The following RASSF3 variants were observed in gnomAD, a reference collection of about 807,000 sequenced individuals.
RASSF3 encodes the protein Ras association domain family member 3, also known as ras association domain-containing protein 3.
RASSF3 carries 19 observed loss-of-function variants against 19.9 expected under a neutral mutation model. The observed-to-expected ratio is 0.96, with a 90% CI of 0.67 to 1.40. RASSF3 has a LOEUF of 1.40. Ranked by LOEUF, RASSF3 falls within the 40% of genes most tolerant of loss-of-function variation. The pLI, the probability that RASSF3 is intolerant of heterozygous loss-of-function variation, is 0.00. For missense variants in RASSF3, 306 were observed against 289.8 expected, an observed-to-expected ratio of 1.06 and a Z score of -0.41; for synonymous variants, 110 against 104.2, an observed-to-expected ratio of 1.06 and a Z score of -0.34.
At chr12:64,581,110 T>TA (rs749206943) in intron 2 of RASSF3, among the ~76,000 whole-genome samples, 8,617 of 143,594 alleles carry the variant, frequency 0.06, 782 homozygotes, top group African/African-American at 0.2. Flanking sequence ...ATTACTGTGG[T>TA]AAAAAAAAAA....
In RASSF3 at chr12:64,639,940, C is replaced by T. The variant is rs146723406; in HGVS notation, c.111+29197C>T. Among the ~76,000 whole-genome samples, 412 of 152,274 alleles carry T rather than the reference C, an allele frequency of 2.7e-3. 1 individual carries two copies. Among genetic ancestry groups the T allele is most frequent in the Non-Finnish European group, 4.4e-3 (297 of 68,026 alleles). On this transcript the variant is annotated intron_variant, in intron 1 of 4. Coordinates refer to ENST00000542104, the MANE Select transcript of RASSF3 (RefSeq NM_178169.4). The stretch of plus-strand genomic sequence containing the variant: ...GCAGAGATCTTTTGAGGAAATGCAA[C>T]GTGAAAGATCTCCTTGACATTCTAT...
At chr12:64,645,945 T>G (rs1375382979) in intron 1 of RASSF3, among the ~76,000 whole-genome samples, 1 of 152,170 alleles carries the variant, frequency 6.6e-6, no homozygotes, top group Non-Finnish European at 1.5e-5. Flanking sequence ...TCACCCTGAG[T>G]TAATGTTGCC....
chr12:64,608,593 C>T (rs551752909), upstream of RASSF3, among the ~76,000 whole-genome samples: 1 of 152,272 alleles, frequency 6.6e-6, no homozygotes, highest in African/African-American at 2.4e-5. Flanking sequence ...CCATCGCGCC[C>T]GGCCAATAAA....
intron 1 of RASSF3, among the ~76,000 whole-genome samples, chr12:64,523,060 A>C (rs1165086139): frequency 6.6e-6 from 1 of 152,128 alleles, no homozygotes; most frequent in Non-Finnish European, 1.5e-5. Flanking sequence ...ATTTTTTAAA[A>C]CTGCTGCCCT....
At chr12:64,515,017 T>C (rs7132742) in intron 1 of RASSF3, among the ~76,000 whole-genome samples, 3,236 of 114,770 alleles carry the variant, frequency 0.028, 114 homozygotes, top group African/African-American at 0.12. Context: ...TAATAAAACA[T>C]TTTATTTATT....
At chr12:64,533,630 G>A (rs970911329) in intron 1 of RASSF3, 1 of 152,114 alleles carries the variant, frequency 6.6e-6, no homozygotes, top group Non-Finnish European at 1.5e-5. Flanking sequence ...TTCTATTACC[G>A]GACAGCTCAG....
At chr12:64,589,182 G>C (rs1291322855) in intron 2 of RASSF3, among the ~76,000 whole-genome samples, 1 of 152,244 alleles carries the variant, frequency 6.6e-6, no homozygotes, top group African/African-American at 2.4e-5. Context: ...AGGCGCAGTG[G>C]CTCACGCCTA....
At chr12:64,550,725 G>T (rs531261291) in intron 2 of RASSF3, among the ~76,000 whole-genome samples, 1 of 149,614 alleles carries the variant, frequency 6.7e-6, no homozygotes, top group Non-Finnish European at 1.5e-5. Flanking sequence ...TTGGAAGGCT[G>T]AAGTGGGAGA....
intron 2 of RASSF3, among the ~76,000 whole-genome samples, chr12:64,549,850 T>C (rs771874647): frequency 2.0e-5 from 3 of 152,216 alleles, no homozygotes; most frequent in Non-Finnish European, 4.4e-5. Context: ...TAATGATTGC[T>C]TGTGTTTTTG....
intron 1 of RASSF3, among the ~76,000 whole-genome samples, chr12:64,617,363 C>T (rs187282355): frequency 4.9e-4 from 74 of 152,246 alleles, no homozygotes; most frequent in African/African-American, 1.8e-3. Flanking sequence ...GTTCTAACCT[C>T]TGGGGTTAGG....
At chr12:64,563,146 TTCTG>T (rs1020687852) in intron 2 of RASSF3, among the ~76,000 whole-genome samples, 90 of 151,962 alleles carry the variant, frequency 5.9e-4, no homozygotes, top group African/African-American at 2.1e-3. Flanking sequence ...TTTTCTTTTT[TTCTG>T]TCTTTTATTT....
At chr12:64,535,504 A>G (rs995149345) in intron 1 of RASSF3, among the ~76,000 whole-genome samples, 4 of 151,868 alleles carry the variant, frequency 2.6e-5, no homozygotes, top group Non-Finnish European at 5.9e-5. Context: ...AGCTGAAACT[A>G]CAGGCACACG....
intron 1 of RASSF3, among the ~76,000 whole-genome samples, chr12:64,637,833 ATT>A (rs751326161): frequency 1.4e-4 from 19 of 131,854 alleles, no homozygotes; most frequent in Non-Finnish European, 1.6e-4. Context: ...TAGTTATCAG[ATT>A]TTTTTTTTTT....
At chr12:64,510,812 A>C (rs1868323659) in intron 1 of RASSF3, among the ~76,000 whole-genome samples, 1 of 152,180 alleles carries the variant, frequency 6.6e-6, no homozygotes, top group African/African-American at 2.4e-5. Context: ...AATCTAGTTG[A>C]GGAACCCAAG....
chr12:64,635,812 C>A (rs1171659934), intron 1 of RASSF3, among the ~76,000 whole-genome samples: 1 of 151,804 alleles, frequency 6.6e-6, no homozygotes, highest in Non-Finnish European at 1.5e-5. Flanking sequence ...GGTCAAGGGA[C>A]AATGGGAAGG....
chr12:64,549,276 A>G (rs1167730819), intron 2 of RASSF3, among the ~76,000 whole-genome samples: 1 of 152,098 alleles, frequency 6.6e-6, no homozygotes, highest in Admixed American at 6.5e-5. Flanking sequence ...CTTTGGGGGG[A>G]TCACTTGAGC....
At chr12:64,526,626 C>T (rs1868592895) in intron 1 of RASSF3, among the ~76,000 whole-genome samples, 1 of 152,158 alleles carries the variant, frequency 6.6e-6, no homozygotes, top group Admixed American at 6.5e-5. Flanking sequence ...TCACTGCAGC[C>T]TCAAACTCCT....
At chr12:64,548,717 C>T (rs1869110287) in intron 2 of RASSF3, among the ~76,000 whole-genome samples, 1 of 152,178 alleles carries the variant, frequency 6.6e-6, no homozygotes, top group Admixed American at 6.5e-5. Context: ...ACAAACTTAG[C>T]TCACTATAAA....
At chr12:64,628,196 C>A (rs939791971) in intron 1 of RASSF3, 5 of 152,106 alleles carry the variant, frequency 3.3e-5, no homozygotes. Context: ...AAGTTTCTTT[C>A]TTTCTTTTCC....
Sources: gnomAD v4.1 joint callset for allele counts (sites outside exome capture counted in the v4.1 genomes callset) on GRCh38, gnomAD v4.1.1 for gene constraint, MANE v1.5 for transcripts, NCBI Gene and HGNC (gene_info 2026-07-23, HGNC 2026-07-21) for gene names.